Variants in SRGAP3 observed in about 807,000 individuals in gnomAD.
SRGAP3 encodes the protein SLIT-ROBO Rho GTPase activating protein 3, also known as SLIT-ROBO Rho GTPase-activating protein 3.
In SRGAP3, 39 loss-of-function variants were observed where a neutral mutation model predicts 121.1. The observed-to-expected ratio is 0.32, with a 90% confidence interval of 0.25 to 0.42. The LOEUF (loss-of-function observed/expected upper bound fraction) is 0.42, where lower values mean the gene tolerates loss of function less well. Among genes scored for constraint, SRGAP3 ranks in the 10% least tolerant of loss-of-function variants. The pLI is 1.00. For synonymous variants in SRGAP3, 601 were observed against 570.0 expected, an observed-to-expected ratio of 1.05 and a Z score of -0.77; for missense variants, 1,213 against 1,470.6, an observed-to-expected ratio of 0.82 and a Z score of 2.86.
At chr3:9,243,651 AG>A (rs1260606528) in intron 1 of SRGAP3, among the ~76,000 whole-genome samples, 9 of 120,472 alleles carry the variant, frequency 7.5e-5, no homozygotes, top group African/African-American at 1.9e-4. Context: ...AAAAAAAAAG[AG>A]AGAGAGAGAG....
At chr3:9,058,654 C>T (rs1006984417) in intron 6 of SRGAP3, 182 bp from the exon 7 acceptor site, 16 of 557,520 alleles carry the variant, frequency 2.9e-5, no homozygotes, top group East Asian at 2.7e-4. Flanking sequence ...AGGGGAGTTG[C>T]GGTTGAGATT....
intron 1 of SRGAP3, among the ~76,000 whole-genome samples, chr3:9,352,544 G>C (rs891064390): frequency 4.6e-5 from 7 of 152,192 alleles, no homozygotes; most frequent in Non-Finnish European, 1.0e-4. Context: ...AAAGTGCTGG[G>C]ATTACTGGCG....
chr3:9,070,056 T>C (rs535610192), intron 4 of SRGAP3, among the ~76,000 whole-genome samples: 111 of 152,384 alleles, frequency 7.3e-4, no homozygotes, highest in African/African-American at 2.6e-3. Context: ...CCGCTAAGCA[T>C]TGCCTCTTCT....
In SRGAP3 at chr3:9,323,206, G is replaced by C. The variant is rs184237218; in HGVS notation, n.442+2804C>G. ...GTGCTGACTATAAAGGGACAGCACA[G>C]GGAGTTTTGGGGTGGGATGAAACTG... On this transcript the variant is annotated intron_variant and non_coding_transcript_variant, in intron 3 of 3. Coordinates refer to the SRGAP3 transcript ENST00000490889. 1.5e-3 allele frequency among the ~76,000 whole-genome samples: 221 copies of C among 151,992 alleles called. 2 individuals are homozygous for C. Among genetic ancestry groups the C allele is most frequent in the Non-Finnish European group, 2.0e-3 (138 of 68,002 alleles).
intron 4 of SRGAP3, among the ~76,000 whole-genome samples, chr3:9,078,202 C>T (rs1947063966): frequency 6.6e-6 from 1 of 152,048 alleles, no homozygotes; most frequent in South Asian, 2.1e-4. Flanking sequence ...AAATAGAGGG[C>T]ACCAAGAAGA....
chr3:9,010,556 G>A (rs895920998), intron 17 of SRGAP3, among the ~76,000 whole-genome samples, 169 bp from the exon 18 acceptor site: 3 of 152,076 alleles, frequency 2.0e-5, no homozygotes, highest in Admixed American at 6.6e-5. Context: ...TTCCTAATCA[G>A]AAAACTACTC....
At chr3:8,987,143 T>C (rs1219882969) in intron 21 of SRGAP3, among the ~76,000 whole-genome samples, 1 of 152,236 alleles carries the variant, frequency 6.6e-6, no homozygotes, top group Non-Finnish European at 1.5e-5. Flanking sequence ...TGGGGTGAGA[T>C]AATGGATGTG....
chr3:9,052,886 A>G, intron 9 of SRGAP3, 141 bp downstream of exon 9: 2 of 1,038,650 alleles, frequency 1.9e-6, no homozygotes, highest in South Asian at 2.8e-5. Context: ...AGGCAACTTA[A>G]TTTTAAAAGC....
At chr3:9,279,541 T>C (rs1349331515) in intron 3 of SRGAP3, among the ~76,000 whole-genome samples, 1 of 134,102 alleles carries the variant, frequency 7.5e-6, no homozygotes, top group Non-Finnish European at 1.6e-5. Context: ...TGAGATGGAG[T>C]CTCACTCTGT....
chr3:9,067,996 G>A lies in SRGAP3; in HGVS notation c.487-3415C>T, dbSNP rs370451847. Among the ~76,000 whole-genome samples the A allele has an allele frequency of 1.9e-4, 29 of 152,014 alleles. 1 individual carries two copies. Among genetic ancestry groups the A allele is most frequent in the Admixed American group, 1.6e-3 (25 of 15,274 alleles). On this transcript the variant is annotated intron_variant, in intron 4 of 21. Transcript: ENST00000383836. ...GCTAAAGTGTGAGAACGCCTGCTGC[G>A]GCTGTCTCCAGGACCCCACCTTCCC...
chr3:9,233,478 T>C (rs1953298262), intron 1 of SRGAP3, among the ~76,000 whole-genome samples: 2 of 152,220 alleles, frequency 1.3e-5, no homozygotes, highest in African/African-American at 2.4e-5. Flanking sequence ...GTATTTACCA[T>C]CCTGAATAGA....
intron 1 of SRGAP3, among the ~76,000 whole-genome samples, chr3:9,231,033 G>A (rs1234802614): frequency 6.6e-6 from 1 of 152,054 alleles, no homozygotes; most frequent in African/African-American, 2.4e-5. Context: ...TAATTATCAG[G>A]GTCTTGGAGG....
intron 1 of SRGAP3, among the ~76,000 whole-genome samples, chr3:9,178,690 C>T (rs1258810287): frequency 1.3e-5 from 2 of 152,220 alleles, no homozygotes; most frequent in East Asian, 1.9e-4. Flanking sequence ...GACGGCATGA[C>T]GGATGCTCCC....
intron 3 of SRGAP3, among the ~76,000 whole-genome samples, chr3:9,101,865 G>A (rs1417784248): frequency 2.0e-5 from 3 of 151,600 alleles, no homozygotes; most frequent in Non-Finnish European, 4.4e-5. Context: ...CACACTTAAA[G>A]CAAGGGCCAC....
intron 3 of SRGAP3, among the ~76,000 whole-genome samples, chr3:9,299,051 C>CAAAAAAAA (rs71049787): frequency 3.0e-4 from 21 of 70,344 alleles, no homozygotes; most frequent in East Asian, 1.1e-3. Context: ...GACTCCATCT[C>CAAAAAAAA]AAAAAAAAAA....
chr3:9,157,991 T>C (rs1411647693), intron 1 of SRGAP3, among the ~76,000 whole-genome samples: 2 of 152,222 alleles, frequency 1.3e-5, no homozygotes, highest in African/African-American at 4.8e-5. Context: ...ATCCTTTTTG[T>C]AGTCTCTGAA....
chr3:9,362,826 T>C (rs2030974758), intron 1 of SRGAP3: 3 of 152,150 alleles, frequency 2.0e-5, no homozygotes, highest in Admixed American at 2.0e-4. Flanking sequence ...AGATGACGCA[T>C]GTGAAGCGCT....
intron 1 of SRGAP3, among the ~76,000 whole-genome samples, chr3:9,132,180 A>C (rs2543493): frequency 0.5 from 76,063 of 151,970 alleles, 21,224 homozygotes; most frequent in South Asian, 0.62. Flanking sequence ...TCCCCTCTCC[A>C]CTGCACAGTT....
At chr3:9,011,251 G>C (rs957013012) in intron 17 of SRGAP3, among the ~76,000 whole-genome samples, 7 of 152,164 alleles carry the variant, frequency 4.6e-5, no homozygotes, top group Admixed American at 6.5e-5. Flanking sequence ...GAAATAAATG[G>C]GCAGAGACAA....
Sources: allele counts gnomAD v4.1 joint callset (sites outside exome capture counted in the v4.1 genomes callset), GRCh38; gene constraint gnomAD v4.1.1; transcripts MANE v1.5; gene names NCBI Gene and HGNC (gene_info 2026-07-23, HGNC 2026-07-21).